FAR2: variants seen among roughly 807,000 people sequenced by gnomAD.
The protein encoded by FAR2 is fatty acyl-CoA reductase 2.
FAR2 carries 19 observed loss-of-function variants against 56.0 expected under a neutral mutation model. The observed-to-expected ratio is 0.34, with a 90% CI of 0.24 to 0.50. The LOEUF is 0.50. Among genes scored for constraint, FAR2 ranks in the 20% least tolerant of loss-of-function variants. The pLI is 0.98. For synonymous variants in FAR2, 219 were observed against 218.8 expected, an observed-to-expected ratio of 1.00 and a Z score of -0.01; for missense variants, 508 against 642.2, an observed-to-expected ratio of 0.79 and a Z score of 2.26.
intron 1 of FAR2, among the ~76,000 whole-genome samples, chr12:29,162,470 G>C (rs560033027): frequency 6.6e-6 from 1 of 152,148 alleles, no homozygotes; most frequent in African/African-American, 2.4e-5. Flanking sequence ...AGCCTAGGCT[G>C]TTCAGTGTTA....
chr12:29,324,483 T>G (rs1182662776), intron 10 of FAR2, among the ~76,000 whole-genome samples: 2 of 152,070 alleles, frequency 1.3e-5, no homozygotes, highest in East Asian at 3.9e-4. Context: ...AAAAAAGTGT[T>G]AAGAGCAGCC....
At chr12:29,182,656 G>A (rs1277511638) in intron 1 of FAR2, among the ~76,000 whole-genome samples, 3 of 152,182 alleles carry the variant, frequency 2.0e-5, no homozygotes, top group South Asian at 2.1e-4. Flanking sequence ...TGGTTAAAAT[G>A]TAAGTATGTG....
chr12:29,332,554 T>G, intron 10 of FAR2, 46 bp from the exon 11 acceptor site: 1 of 1,611,382 alleles, frequency 6.2e-7, no homozygotes, highest in Non-Finnish European at 8.5e-7. Flanking sequence ...AAAGTGACTG[T>G]CCAGCACTGC....
intron 6 of FAR2, 96 bp from the exon 7 acceptor site, chr12:29,310,932 T>G: frequency 2.3e-6 from 2 of 888,610 alleles, no homozygotes; most frequent in Non-Finnish European, 3.7e-6. Flanking sequence ...CTGTTTTCAC[T>G]TATTGCACTA....
rs764270031 is a variant in FAR2 at position 29,307,810 on chromosome 12, G to A, written c.698G>A (p.Gly233Glu). The change falls in exon 5 of 12, where the codon GGA (glycine) becomes GAA (glutamate). Residue 233 changes from glycine to glutamate, a missense_variant. Coordinates refer to ENST00000536681, the MANE Select transcript of FAR2 (RefSeq NM_001271783.2). ...NIAIIRPSIVGATWQEPFPGW... is the reference protein window; with the variant it reads ...NIAIIRPSIVEATWQEPFPGW... Reference sequence around the variant, plus strand: ...GCCATCATAAGGCCCTCCATTGTGGGAGCAACTTGGCAGGAGCCTTTCCCA... The same window carrying A: ...GCCATCATAAGGCCCTCCATTGTGGAAGCAACTTGGCAGGAGCCTTTCCCA... 5.6e-6 allele frequency: 9 copies of A among 1,611,072 alleles called. No homozygotes were observed. Among genetic ancestry groups the A allele is most frequent in the Non-Finnish European group, 7.6e-6 (9 of 1,179,484 alleles).
At chr12:29,235,953 A>G (rs1947935573) in intron 1 of FAR2, among the ~76,000 whole-genome samples, 1 of 152,194 alleles carries the variant, frequency 6.6e-6, no homozygotes, top group Non-Finnish European at 1.5e-5. Flanking sequence ...AAACAGGTAC[A>G]AGGAATGAGT....
chr12:29,197,327 G>T (rs1950152225), intron 1 of FAR2, among the ~76,000 whole-genome samples: 1 of 152,166 alleles, frequency 6.6e-6, no homozygotes, highest in Admixed American at 6.5e-5. Context: ...TTAAAGAGAT[G>T]TACAGTCTTA....
At chr12:29,220,306 T>G (rs2136638352) in intron 1 of FAR2, among the ~76,000 whole-genome samples, 1 of 152,332 alleles carries the variant, frequency 6.6e-6, no homozygotes, top group Admixed American at 6.5e-5. Flanking sequence ...CGGAGTACAG[T>G]GCAAGACTTA....
intron 1 of FAR2, among the ~76,000 whole-genome samples, chr12:29,224,606 T>C (rs544639322): frequency 5.2e-4 from 79 of 152,314 alleles, no homozygotes; most frequent in Non-Finnish European, 5.1e-4. Context: ...TTCAAAGTAC[T>C]CAGAAGGCCG....
intron 1 of FAR2, among the ~76,000 whole-genome samples, chr12:29,195,314 A>G (rs1227346261): frequency 6.6e-6 from 1 of 152,194 alleles, no homozygotes; most frequent in Non-Finnish European, 1.5e-5. Flanking sequence ...ACCATCTACA[A>G]TTACTTTCAG....
chr12:29,244,795 T>C (rs1948098588), intron 1 of FAR2, among the ~76,000 whole-genome samples: 1 of 152,194 alleles, frequency 6.6e-6, no homozygotes. Flanking sequence ...ATCTAGGCTA[T>C]ACAACAATGA....
chr12:29,265,035 A>T (rs1001753488), intron 1 of FAR2, among the ~76,000 whole-genome samples: 12 of 152,234 alleles, frequency 7.9e-5, no homozygotes, highest in African/African-American at 2.9e-4. Context: ...GAACACACAC[A>T]AAAATGGAAA....
At chr12:29,270,986 C>T (rs1565498254) in intron 2 of FAR2, among the ~76,000 whole-genome samples, 1 of 152,088 alleles carries the variant, frequency 6.6e-6, no homozygotes, top group Non-Finnish European at 1.5e-5. Context: ...GGTTGATTTC[C>T]TCCCCAAATT....
At chr12:29,274,218 G>A (rs36126531) in intron 2 of FAR2, among the ~76,000 whole-genome samples, 16,676 of 105,154 alleles carry the variant, frequency 0.16, 1,174 homozygotes, top group Middle Eastern at 0.43. Context: ...AACAGGCCCC[G>A]GTATGTGATG....
chr12:29,276,967 G>A lies in FAR2; in HGVS notation c.189+6329G>A, dbSNP rs1375720314. On this transcript the variant is annotated intron_variant, in intron 2 of 11. Coordinates refer to ENST00000536681, the MANE Select transcript of FAR2 (RefSeq NM_001271783.2). ...TCAAAAAAAAAAATAGATAAAATAC[G>A]TTTTTTATAAAATATTTATTTATTT... 4.0e-5 allele frequency among the ~76,000 whole-genome samples: 6 copies of A among 151,724 alleles called. No individual in the cohort carries two copies. In the South Asian group the frequency reaches 1.0e-3, roughly 26 times the overall value.
At position 29,333,915 on chromosome 12, in the gene FAR2, TG is replaced by T. The variant is rs1446501327; in HGVS notation, c.*122del. On this transcript the variant is annotated 3_prime_UTR_variant, in exon 12 of 12. Transcript: ENST00000536681. ...CCAAACTGTCAAATGTCACCTGTTATGTATTCGTCCCTATTCCTTAACTATG... is the reference window on the plus strand; with the variant it reads ...CCAAACTGTCAAATGTCACCTGTTATTATTCGTCCCTATTCCTTAACTATG... 1.1e-6 allele frequency: 1 copy of T among 904,510 alleles called. No homozygotes were observed. Among genetic ancestry groups the T allele is most frequent in the African/African-American group, 1.7e-5 (1 of 59,944 alleles). 56.0% of individuals were successfully genotyped at this position (904,510 alleles called of 1,614,324 possible). A position where few individuals can be genotyped will look rare whatever the true frequency, so the allele number is the denominator to read the frequency against.
chr12:29,256,621 C>T (rs999259306), intron 1 of FAR2, among the ~76,000 whole-genome samples: 31 of 152,230 alleles, frequency 2.0e-4, no homozygotes, highest in Admixed American at 5.2e-4. Context: ...CCCACTCCCT[C>T]ACCTTGCAGG....
In FAR2 at chr12:29,333,686, C is replaced by A; in HGVS notation, c.1440C>A (p.Arg480=). The A allele has an allele frequency of 1.2e-6, 2 of 1,613,860 alleles. No homozygotes were observed. The highest frequency in any genetic ancestry group is 3.3e-4 in the Middle Eastern group (2 of 6,062). Residue 480 remains arginine (R), a synonymous_variant, in exon 12 of 12, where the codon CGC becomes CGA. Transcript: ENST00000536681. ...FNTALFLIAW[R]LLIARSQMAR... ...CTGCCCTCTTCCTTATCGCCTGGCG[C>A]CTTCTCATTGCAAGATCTCAGATGG...
intron 8 of FAR2, among the ~76,000 whole-genome samples, chr12:29,312,703 C>T (rs575122457): frequency 1.3e-5 from 2 of 152,222 alleles, no homozygotes; most frequent in African/African-American, 2.4e-5. Flanking sequence ...ACAACTTAAA[C>T]ATCTAATGAT....
Sources: allele counts gnomAD v4.1 joint callset (sites outside exome capture counted in the v4.1 genomes callset), GRCh38; gene constraint gnomAD v4.1.1; transcripts MANE v1.5; gene names NCBI Gene and HGNC (gene_info 2026-07-23, HGNC 2026-07-21).